SLC44A2: variants seen among roughly 807,000 people sequenced by gnomAD.
The protein encoded by SLC44A2 is choline transporter-like protein 2.
In SLC44A2, 57 loss-of-function variants were observed where a neutral mutation model predicts 90.8. The observed-to-expected ratio is 0.63, with a 90% CI of 0.51 to 0.78. SLC44A2 has a LOEUF of 0.78. SLC44A2 is among the 30% of genes least tolerant of loss of function. SLC44A2 has a pLI of 0.00. For synonymous variants in SLC44A2, 355 were observed against 360.7 expected, an observed-to-expected ratio of 0.98 and a Z score of 0.18; for missense variants, 794 against 919.7, an observed-to-expected ratio of 0.86 and a Z score of 1.77.
At chr19:10,613,255 CT>C (rs567560736) in intron 1 of SLC44A2, among the ~76,000 whole-genome samples, 124 of 140,598 alleles carry the variant, frequency 8.8e-4, no homozygotes, top group Admixed American at 9.3e-4. Context: ...TATTTTCTTT[CT>C]TTTTTTTTTT....
chr19:10,625,400 G>T, upstream of SLC44A2: 3 of 1,134,456 alleles, frequency 2.6e-6, no homozygotes, highest in Non-Finnish European at 3.3e-6. Context: ...GGCTAAATGC[G>T]GCCGGCCGGT....
At chr19:10,612,329 G>T (rs1599229275) in intron 1 of SLC44A2, among the ~76,000 whole-genome samples, 1 of 152,016 alleles carries the variant, frequency 6.6e-6, no homozygotes, top group African/African-American at 2.4e-5. Flanking sequence ...CTATGATTGC[G>T]CCCCTGCACT....
intron 20 of SLC44A2, chr19:10,641,538 C>G (rs948327974): frequency 2.6e-6 from 1 of 380,770 alleles, no homozygotes; most frequent in African/African-American, 2.1e-5. Flanking sequence ...ATAGCACATG[C>G]AGAGGCCCAG....
upstream of SLC44A2, chr19:10,625,503 C>T: frequency 8.2e-7 from 1 of 1,222,794 alleles, no homozygotes; most frequent in East Asian, 3.2e-5. Context: ...CCGGTTTGGG[C>T]CGCCCCGCCT....
intron 21 of SLC44A2, 98 bp from the exon 22 acceptor site, chr19:10,643,181 C>G (rs1334891384): frequency 2.0e-6 from 3 of 1,489,768 alleles, no homozygotes; most frequent in Non-Finnish European, 2.7e-6. Context: ...TTCTAACCCT[C>G]TGAGGCTTCT....
At chr19:10,614,078 G>A (rs2066836081) in intron 1 of SLC44A2, among the ~76,000 whole-genome samples, 1 of 152,004 alleles carries the variant, frequency 6.6e-6, no homozygotes, top group Non-Finnish European at 1.5e-5. Context: ...CAATTCTACT[G>A]CCTCAGCCTC....
Position 10,602,559 on chromosome 19 carries a change from AC to A in SLC44A2, c.30del (p.Tyr10Ter). 7.8e-7 allele frequency: 1 copy of A among 1,275,396 alleles called. No individual in the cohort carries two copies. The highest frequency in any genetic ancestry group is 1.0e-6 in the Non-Finnish European group (1 of 1,004,502). 79.0% of individuals were successfully genotyped at this position (1,275,396 alleles called of 1,614,324 possible). ...GAGGACGAGCGGAAAAACGGAGCCT[AC>A]GGTAGGAGCCGCCTCCGGTCAGGGG... On this transcript the variant is annotated frameshift_variant and splice_region_variant, in exon 1 of 22. Coordinates refer to the SLC44A2 transcript ENST00000407327. LOFTEE classifies it high-confidence loss of function.
At chr19:10,635,771 T>TA in intron 14 of SLC44A2, 1 of 332,848 alleles carries the variant, frequency 3.0e-6, no homozygotes, top group Non-Finnish European at 5.4e-6. Flanking sequence ...TTTCCCTACT[T>TA]CCTTTTTTTT....
At chr19:10,641,207 A>G in intron 20 of SLC44A2, 1 of 349,600 alleles carries the variant, frequency 2.9e-6, no homozygotes, top group South Asian at 2.2e-5. Context: ...AGCCTGGGCA[A>G]CATGGCAAAA....
chr19:10,609,919 C>T (rs1157466493), intron 1 of SLC44A2, among the ~76,000 whole-genome samples: 2 of 152,102 alleles, frequency 1.3e-5, no homozygotes, highest in South Asian at 4.1e-4. Flanking sequence ...TATTCTCCTG[C>T]CTCAGCCTCC....
At chr19:10,637,077 C>T (rs943048307) in intron 16 of SLC44A2, 5 of 266,546 alleles carry the variant, frequency 1.9e-5, no homozygotes, top group African/African-American at 1.1e-4. Context: ...GTTTATTAGC[C>T]GGGCGCCGTG....
chr19:10,628,110 C>T lies in SLC44A2; in HGVS notation c.245+106C>T, dbSNP rs999724089. On this transcript the variant is annotated intron_variant, in intron 4 of 21. Transcript: ENST00000335757. ...AGTTAACAAGTGCTTATAGGCTGGG[C>T]GCGGTGACTCACGCCCGAAATTCCA... 2.3e-5 allele frequency: 24 copies of T among 1,044,164 alleles called. No individual in the cohort carries two copies. In the Admixed American group the frequency reaches 4.5e-4, roughly 20 times the overall value. 64.7% of individuals were successfully genotyped at this position (1,044,164 alleles called of 1,614,324 possible). A position where few individuals can be genotyped will look rare whatever the true frequency, so the allele number is the denominator to read the frequency against.
Position 10,638,244 on chromosome 19 carries a change from T to C in SLC44A2, c.1858T>C (p.Phe620Leu). Residue 620 changes from phenylalanine to leucine, a missense_variant, in exon 20 of 22, where the codon TTC becomes CTC. Coordinates refer to ENST00000335757, the MANE Select transcript of SLC44A2 (RefSeq NM_020428.4). ...VGSVGILAFFFFTHRIRIVQD... is the reference protein window; with the variant it reads ...VGSVGILAFFLFTHRIRIVQD... ...TTCTCCAGGGATCCTGGCTTTCTTC[T>C]TCTTCACCCACCGTATCAGGATCGT... is the stretch of plus-strand genomic sequence containing the variant. The C allele has an allele frequency of 6.2e-7, 1 of 1,614,114 alleles. No individual in the cohort carries two copies. The highest frequency in any genetic ancestry group is 1.3e-5 in the African/African-American group (1 of 75,022).
At chr19:10,602,584 G>T in intron 1 of SLC44A2, 1 of 1,264,742 alleles carries the variant, frequency 7.9e-7, no homozygotes, top group Non-Finnish European at 1.0e-6. Context: ...TCCGGTCAGG[G>T]GCCGCCTCTG....
Position 10,636,436 on chromosome 19 carries a change from T to C in SLC44A2, c.1347T>C (p.Asn449=). The C allele has an allele frequency of 1.2e-6, 2 of 1,614,076 alleles. No homozygotes were observed. The highest frequency in any genetic ancestry group is 1.7e-6 in the Non-Finnish European group (2 of 1,180,026). ...HRALLGLQIF[N]AFMFFWLANF... ...CCCTGCTGGGCCTGCAGATCTTCAATGCCTTCATGTTCTTCTGGTTGGCCA... is the reference window on the plus strand; with the variant it reads ...CCCTGCTGGGCCTGCAGATCTTCAACGCCTTCATGTTCTTCTGGTTGGCCA... The change falls in exon 15 of 22, where the codon AAT becomes AAC. Residue 449 remains asparagine (N), a synonymous_variant. Transcript: ENST00000335757.
chr19:10,634,985 A>C lies in SLC44A2; in HGVS notation c.967A>C (p.Ser323Arg), dbSNP rs376045718. 5 of 1,614,072 alleles carry C rather than the reference A, an allele frequency of 3.1e-6. No individual in the cohort carries two copies. The highest frequency in any genetic ancestry group is 4.2e-6 in the Non-Finnish European group (5 of 1,180,016). ...QTWLAFMIIL[S>R]ILEVIIILLL... ...TTTGCCCTTTGCAGTGATCATTCTG[A>C]GTATCCTTGAAGTCATTATCATCTT... The change falls in exon 12 of 22, where the codon AGT becomes CGT. Residue 323 changes from serine to arginine, a missense_variant. Ser to Arg is a moderately radical substitution (Grantham distance 110). Transcript: ENST00000335757.
At chr19:10,635,726 A>C in intron 14 of SLC44A2, 3 of 471,446 alleles carry the variant, frequency 6.4e-6, no homozygotes, top group South Asian at 2.8e-5. Context: ...CTTCAACTTG[A>C]CCAGGCCTTC....
At chr19:10,616,200 A>G (rs550703062) in intron 1 of SLC44A2, among the ~76,000 whole-genome samples, 37 of 151,740 alleles carry the variant, frequency 2.4e-4, no homozygotes, top group African/African-American at 8.5e-4. Flanking sequence ...TATTATGTTT[A>G]TTTATTTATT....
chr19:10,633,866 G>A (rs929464424), intron 10 of SLC44A2, among the ~76,000 whole-genome samples: 21 of 152,016 alleles, frequency 1.4e-4, no homozygotes, highest in African/African-American at 3.6e-4. Flanking sequence ...AGCTGGGTGC[G>A]GTGGCGCACG....
Sources: allele counts gnomAD v4.1 joint callset (sites outside exome capture counted in the v4.1 genomes callset), GRCh38; gene constraint gnomAD v4.1.1; transcripts MANE v1.5; gene names NCBI Gene and HGNC (gene_info 2026-07-23, HGNC 2026-07-21).